PUM1: variants seen among roughly 807,000 people sequenced by gnomAD.
PUM1 encodes the protein pumilio RNA binding family member 1.
A neutral mutation model predicts 131.8 loss-of-function variants in PUM1; 13 were observed. The ratio of observed to expected loss-of-function variants is 0.10; its 90% CI spans 0.06 to 0.16. PUM1 has a LOEUF of 0.16. Ranked by LOEUF, PUM1 falls within the 10% of genes least tolerant of loss-of-function variation. The pLI is 1.00. For synonymous variants in PUM1, 509 were observed against 556.5 expected (o/e 0.91, Z 1.20); for missense variants, 961 against 1,512.4 (o/e 0.64, Z 6.05).
chr1:31,055,465 T>C (rs183217271), intron 2 of PUM1: 2 of 452,144 alleles, frequency 4.4e-6, no homozygotes, highest in Non-Finnish European at 4.4e-6. Context: ...ACCAGTACAA[T>C]ACACTATAAT....
chr1:30,974,578 C>T (rs957818251), intron 10 of PUM1, 73 bp downstream of exon 10: 17 of 1,396,074 alleles, frequency 1.2e-5, no homozygotes, highest in East Asian at 2.5e-5. Flanking sequence ...TTCTATTAGG[C>T]GCAATATTAC....
intron 6 of PUM1, 111 bp from the exon 7 acceptor site, chr1:30,992,771 A>G (rs1641838733): frequency 1.1e-6 from 1 of 909,262 alleles, no homozygotes; most frequent in Admixed American, 2.5e-5. Flanking sequence ...ACAGTATTTA[A>G]AACTATTTCT....
chr1:30,996,663 C>T (rs931807204), intron 5 of PUM1, among the ~76,000 whole-genome samples: 11 of 152,150 alleles, frequency 7.2e-5, no homozygotes, highest in Admixed American at 2.6e-4. Flanking sequence ...TTGAGATGTG[C>T]CCTTCAGAAT....
At chr1:31,033,893 G>A (rs76695408) in intron 2 of PUM1, among the ~76,000 whole-genome samples, 2,586 of 151,968 alleles carry the variant, frequency 0.017, 74 homozygotes, top group African/African-American at 0.058. Context: ...CAATCCTCCC[G>A]CCTTCTAAAG....
chr1:30,980,017 C>T, intron 9 of PUM1, 45 bp downstream of exon 9: 1 of 1,386,738 alleles, frequency 7.2e-7, no homozygotes, highest in Non-Finnish European at 1.0e-6. Context: ...TCTCAAATGA[C>T]TTTTCAGCAG....
chr1:31,011,850 AT>A (rs1430898098), intron 3 of PUM1, among the ~76,000 whole-genome samples: 3 of 152,268 alleles, frequency 2.0e-5, no homozygotes, highest in African/African-American at 7.2e-5. Flanking sequence ...GTTTTAAAGA[AT>A]AACTTAGCAG....
At chr1:30,952,680 G>C (rs1639986461) in intron 15 of PUM1, among the ~76,000 whole-genome samples, 1 of 28,252 alleles carries the variant, frequency 3.5e-5, no homozygotes, top group East Asian at 2.9e-3. Flanking sequence ...AAAGCGGGGG[G>C]GGCGGGGGGG....
chr1:30,968,804 G>T (rs916564299), intron 10 of PUM1, among the ~76,000 whole-genome samples: 1 of 152,188 alleles, frequency 6.6e-6, no homozygotes, highest in African/African-American at 2.4e-5. Context: ...GTTAAAAGAT[G>T]AATTTGGAAT....
intron 6 of PUM1, 145 bp from the exon 7 acceptor site, chr1:30,992,805 C>CA: frequency 1.4e-6 from 1 of 691,852 alleles, no homozygotes; most frequent in Non-Finnish European, 2.4e-6. Context: ...AGATACTTTA[C>CA]AGGGCTTACA....
At chr1:30,995,799 C>A (rs940855452) in intron 5 of PUM1, among the ~76,000 whole-genome samples, 3 of 152,148 alleles carry the variant, frequency 2.0e-5, no homozygotes, top group Non-Finnish European at 4.4e-5. Flanking sequence ...TTTGCATCAC[C>A]TCCCAGCTCT....
chr1:30,965,938 A>T, intron 13 of PUM1, 44 bp downstream of exon 13: 2 of 1,544,074 alleles, frequency 1.3e-6, no homozygotes, highest in African/African-American at 2.7e-5. Flanking sequence ...GATTGTAAAA[A>T]TAATTAAAAT....
chr1:31,007,300 G>C (rs1642427628), intron 3 of PUM1, among the ~76,000 whole-genome samples, 198 bp from the exon 4 acceptor site: 1 of 152,030 alleles, frequency 6.6e-6, no homozygotes, highest in Non-Finnish European at 1.5e-5. Context: ...CTAAGGCAAG[G>C]TGGGGGGCAG....
intron 5 of PUM1, 30 bp from the exon 6 acceptor site, chr1:30,995,250 A>T (rs1175288104): frequency 6.2e-7 from 1 of 1,612,320 alleles, no homozygotes; most frequent in South Asian, 1.1e-5. Context: ...AGCTTCACTA[A>T]TCGTCATCAA....
intron 1 of PUM1, among the ~76,000 whole-genome samples, chr1:31,065,385 G>C (rs997363482): frequency 6.6e-6 from 1 of 152,020 alleles, no homozygotes; most frequent in Non-Finnish European, 1.5e-5. Flanking sequence ...CATTTTCCTA[G>C]CTTCGACCCC....
At chr1:30,986,061 T>A (rs1641545868) in intron 7 of PUM1, among the ~76,000 whole-genome samples, 1 of 152,126 alleles carries the variant, frequency 6.6e-6, no homozygotes, top group African/African-American at 2.4e-5. Context: ...TTCAAGCGAT[T>A]CTCCTGTCTC....
At chr1:31,049,377 ATG>A (rs1454110543) in intron 2 of PUM1, among the ~76,000 whole-genome samples, 1 of 152,054 alleles carries the variant, frequency 6.6e-6, no homozygotes, top group Non-Finnish European at 1.5e-5. Context: ...GTAGCCGGGC[ATG>A]GTAGCATGTG....
chr1:31,048,242 C>CAATAA (rs1053274690), intron 2 of PUM1, among the ~76,000 whole-genome samples: 10 of 149,856 alleles, frequency 6.7e-5, no homozygotes, highest in South Asian at 2.1e-4. Flanking sequence ...GTCTCAAAAA[C>CAATAA]AATAAAATAA....
chr1:30,989,571 CAA>C (rs1174565063), intron 7 of PUM1, among the ~76,000 whole-genome samples: 110 of 27,666 alleles, frequency 4.0e-3, no homozygotes, highest in African/African-American at 0.013. Flanking sequence ...GACTCCGTCT[CAA>C]AAAAAAAAAA....
intron 3 of PUM1, among the ~76,000 whole-genome samples, chr1:31,021,780 C>G (rs1443566647): frequency 4.6e-5 from 7 of 151,750 alleles, no homozygotes; most frequent in Admixed American, 4.6e-4. Flanking sequence ...TGGGAGGGAG[C>G]AAAAAAGCTT....
Sources: allele counts gnomAD v4.1 joint callset (sites outside exome capture counted in the v4.1 genomes callset), GRCh38; gene constraint gnomAD v4.1.1; transcripts MANE v1.5; gene names NCBI Gene and HGNC (gene_info 2026-07-23, HGNC 2026-07-21).